ADK: variants seen among roughly 807,000 people sequenced by gnomAD.
The protein encoded by ADK is N6,N6-dimethyladenosine kinase.
A neutral mutation model predicts 44.7 loss-of-function variants in ADK; 24 were observed. That is an observed-to-expected ratio of 0.54 (90% CI 0.39 to 0.76). The LOEUF (loss-of-function observed/expected upper bound fraction) is 0.76, where lower values mean the gene tolerates loss of function less well. Among genes scored for constraint, ADK ranks in the 30% least tolerant of loss-of-function variants. The pLI, the probability that ADK is intolerant of heterozygous loss-of-function variation, is 0.00. For synonymous variants in ADK, 128 were observed against 142.6 expected (o/e 0.90, Z 0.73); for missense variants, 321 against 425.1 (o/e 0.76, Z 2.15).
chr10:74,643,225 C>T (rs1000696173), intron 9 of ADK, among the ~76,000 whole-genome samples: 1 of 152,152 alleles, frequency 6.6e-6, no homozygotes, highest in African/African-American at 2.4e-5. Flanking sequence ...CTCTCTAAAA[C>T]ATTCACAACC....
At chr10:74,596,181 G>A (rs943674216) in intron 8 of ADK, among the ~76,000 whole-genome samples, 10 of 152,016 alleles carry the variant, frequency 6.6e-5, no homozygotes, top group Non-Finnish European at 1.5e-4. Context: ...CACATTGCTA[G>A]CATTTATAGA....
chr10:74,178,283 C>T (rs1238992857), intron 1 of ADK, among the ~76,000 whole-genome samples: 1 of 152,106 alleles, frequency 6.6e-6, no homozygotes, highest in Non-Finnish European at 1.5e-5. Context: ...AAGTACTTAT[C>T]TCATTATGCA....
chr10:74,647,682 G>C (rs1409946753), intron 9 of ADK, among the ~76,000 whole-genome samples: 1 of 152,074 alleles, frequency 6.6e-6, no homozygotes, highest in Non-Finnish European at 1.5e-5. Context: ...TCTTCTAGGA[G>C]CTATTTATCA....
chr10:74,292,040 T>C (rs1347505229), intron 3 of ADK, among the ~76,000 whole-genome samples: 1 of 152,174 alleles, frequency 6.6e-6, no homozygotes, highest in Non-Finnish European at 1.5e-5. Flanking sequence ...ACTAGAATCA[T>C]GAGCCCGTGG....
At chr10:74,171,790 TTCTG>T (rs1842165058) in intron 1 of ADK, among the ~76,000 whole-genome samples, 2 of 149,016 alleles carry the variant, frequency 1.3e-5, no homozygotes, top group Admixed American at 6.7e-5. Flanking sequence ...CTCACTCTCT[TTCTG>T]TCTCTCTCTG....
Position 74,704,953 on chromosome 10 carries a change from C to T in ADK, c.965-3368C>T, listed in dbSNP as rs1856548551. Among the ~76,000 whole-genome samples the T allele has an allele frequency of 2.0e-5, 3 of 152,234 alleles. 1 individual carries two copies. The South Asian group carries it at 6.2e-4, about 31-fold the overall frequency. ...GTGATAAAATACTCTTACTAAACCT[C>T]TTGAGAGAGTGATTTTACAGTCTCA... On this transcript the variant is annotated intron_variant, in intron 10 of 10. Transcript: ENST00000539909.
At chr10:74,634,186 A>G (rs144311486) in intron 9 of ADK, among the ~76,000 whole-genome samples, 174 of 152,246 alleles carry the variant, frequency 1.1e-3, no homozygotes, top group African/African-American at 1.3e-3. Context: ...AGTAGACTGT[A>G]CAACAGAGGT....
chr10:74,389,143 T>C (rs181366723), intron 4 of ADK, among the ~76,000 whole-genome samples: 3 of 152,298 alleles, frequency 2.0e-5, no homozygotes. Context: ...TACTCACTCA[T>C]GGCCAGAGCA....
intron 7 of ADK, among the ~76,000 whole-genome samples, chr10:74,535,868 T>A (rs997262752): frequency 4.6e-5 from 7 of 152,172 alleles, no homozygotes; most frequent in African/African-American, 1.7e-4. Flanking sequence ...AGATTACAGG[T>A]GTGAGCCCCC....
intron 9 of ADK, among the ~76,000 whole-genome samples, chr10:74,667,716 T>C (rs976238906): frequency 2.0e-5 from 3 of 151,710 alleles, no homozygotes; most frequent in Non-Finnish European, 4.4e-5. Context: ...TTTGTATTTT[T>C]AGTGGAGCCG....
chr10:74,483,191 A>G (rs1402872074), intron 6 of ADK, among the ~76,000 whole-genome samples: 1 of 152,176 alleles, frequency 6.6e-6, no homozygotes, highest in Non-Finnish European at 1.5e-5. Flanking sequence ...CCCAAGCCTC[A>G]TCTCTTGCCC....
chr10:74,672,919 G>C, intron 10 of ADK, among the ~76,000 whole-genome samples: 1 of 152,146 alleles, frequency 6.6e-6, no homozygotes, highest in East Asian at 1.9e-4. Context: ...GCAGAGCCAG[G>C]ATTCAAACCC....
At chr10:74,586,314 C>T (rs930156534) in intron 7 of ADK, among the ~76,000 whole-genome samples, 5 of 152,092 alleles carry the variant, frequency 3.3e-5, no homozygotes, top group East Asian at 1.9e-4. Context: ...ACAAGCTTAG[C>T]TTTTCTAGTG....
intron 1 of ADK, among the ~76,000 whole-genome samples, chr10:74,195,707 C>CTTTTTTT (rs71475265): frequency 3.8e-4 from 37 of 97,520 alleles, no homozygotes; most frequent in Non-Finnish European, 5.6e-4. Context: ...TCTTTTCTTT[C>CTTTTTTT]TTTTTTTTTT....
intron 9 of ADK, among the ~76,000 whole-genome samples, chr10:74,620,026 G>A (rs79392271): frequency 0.016 from 2,369 of 152,224 alleles, 19 homozygotes; most frequent in Non-Finnish European, 0.024. Context: ...CCTGCCCATC[G>A]TGATGTTTTG....
At chr10:74,202,247 T>C (rs985963140) in intron 2 of ADK, among the ~76,000 whole-genome samples, 2 of 152,222 alleles carry the variant, frequency 1.3e-5, no homozygotes, top group Non-Finnish European at 2.9e-5. Context: ...CTTATTTTAC[T>C]TATGTAATGC....
At chr10:74,400,647 G>A (rs1328633770) in intron 6 of ADK, among the ~76,000 whole-genome samples, 1 of 152,150 alleles carries the variant, frequency 6.6e-6, no homozygotes, top group Non-Finnish European at 1.5e-5. Context: ...GTTCTATGAG[G>A]TCAACAGTCT....
intron 6 of ADK, among the ~76,000 whole-genome samples, chr10:74,468,378 G>A (rs974871562): frequency 7.9e-5 from 12 of 152,138 alleles, no homozygotes; most frequent in Non-Finnish European, 5.9e-5. Context: ...ATAAAGTAAT[G>A]TCTAGTGATC....
chr10:74,176,758 C>T (rs1208574135), intron 1 of ADK: 8 of 1,554,332 alleles, frequency 5.1e-6, no homozygotes, highest in South Asian at 1.2e-5. Context: ...TGAGGACGCG[C>T]TCCCAGTCGC....
Sources: gnomAD v4.1 joint callset for allele counts (sites outside exome capture counted in the v4.1 genomes callset) on GRCh38, gnomAD v4.1.1 for gene constraint, MANE v1.5 for transcripts, NCBI Gene and HGNC (gene_info 2026-07-23, HGNC 2026-07-21) for gene names.